Variants in TBC1D14 observed in about 807,000 individuals in gnomAD.
TBC1D14 encodes TBC1 domain family, member 14.
A neutral mutation model predicts 79.0 loss-of-function variants in TBC1D14; 26 were observed. The ratio of observed to expected loss-of-function variants is 0.33; its 90% CI spans 0.24 to 0.46. TBC1D14 has a LOEUF of 0.46. Ranked by LOEUF, TBC1D14 falls within the 20% of genes least tolerant of loss-of-function variation. The pLI is 1.00. For synonymous variants in TBC1D14, 394 were observed against 349.9 expected (o/e 1.13, Z -1.40); for missense variants, 769 against 887.6 (o/e 0.87, Z 1.70).
chr4:6,961,642 G>A (rs1186317890), intron 2 of TBC1D14, among the ~76,000 whole-genome samples: 2 of 152,200 alleles, frequency 1.3e-5, no homozygotes, highest in African/African-American at 4.8e-5. Context: ...ACAAAAACAG[G>A]TGCAAGTCCT....
At chr4:6,943,460 G>A (rs968874725) in intron 2 of TBC1D14, among the ~76,000 whole-genome samples, 3 of 152,188 alleles carry the variant, frequency 2.0e-5, no homozygotes, top group Admixed American at 2.0e-4. Context: ...CAGTTGGTGT[G>A]GCCTACGGGG....
intron 12 of TBC1D14, among the ~76,000 whole-genome samples, chr4:7,016,543 G>C (rs1178076385): frequency 6.6e-6 from 1 of 152,152 alleles, no homozygotes. Context: ...AGTTTCTTAG[G>C]ATTCTAGGCC....
At chr4:6,925,807 T>C (rs1327757694) in intron 2 of TBC1D14, among the ~76,000 whole-genome samples, 2 of 152,164 alleles carry the variant, frequency 1.3e-5, no homozygotes, top group Non-Finnish European at 2.9e-5. Flanking sequence ...TTCCCCGTGC[T>C]CAGACGAGTG....
chr4:7,028,585 C>A (rs2108757159), intron 13 of TBC1D14, among the ~76,000 whole-genome samples: 1 of 152,164 alleles, frequency 6.6e-6, no homozygotes, highest in South Asian at 2.1e-4. Context: ...CGCCTCCATG[C>A]CCAGCTAATT....
At chr4:6,922,916 C>A (rs1723980496) in intron 1 of TBC1D14, among the ~76,000 whole-genome samples, 1 of 152,176 alleles carries the variant, frequency 6.6e-6, no homozygotes, top group South Asian at 2.1e-4. Flanking sequence ...ACTCTAGCTT[C>A]TGGGCCAGGC....
At chr4:6,915,515 G>A (rs1239813120) in intron 1 of TBC1D14, among the ~76,000 whole-genome samples, 1 of 152,168 alleles carries the variant, frequency 6.6e-6, no homozygotes, top group African/African-American at 2.4e-5. Flanking sequence ...TGGAGTCACA[G>A]ACTTGAGTTC....
At chr4:6,983,755 A>C (rs965589571) in intron 3 of TBC1D14, among the ~76,000 whole-genome samples, 1 of 152,224 alleles carries the variant, frequency 6.6e-6, no homozygotes, top group Non-Finnish European at 1.5e-5. Context: ...TTTAATTTGC[A>C]CTTTCCTTTT....
Position 6,994,266 on chromosome 4 carries a change from T to C in TBC1D14, c.926T>C (p.Leu309Pro), listed in dbSNP as rs1718790047. ...NVRKNLDFEP[L>P]STTALILEDR... The stretch of plus-strand genomic sequence containing the variant: ...AGGAAGAATCTTGACTTTGAACCAC[T>C]TTCCACCACCGCACTCATCCTCGAG... The change falls in exon 4 of 14, where the codon CTT (leucine) becomes CCT (proline). Residue 309 changes from leucine to proline, a missense_variant. Leu to Pro is a moderately conservative substitution (Grantham distance 98, BLOSUM62 -3). Coordinates refer to ENST00000409757, the MANE Select transcript of TBC1D14 (RefSeq NM_020773.3). 4.3e-6 allele frequency: 7 copies of C among 1,614,054 alleles called. No homozygotes were observed. The highest frequency in any genetic ancestry group is 5.9e-6 in the Non-Finnish European group (7 of 1,180,028).
At chr4:6,997,879 A>ACT (rs1719226383) in intron 5 of TBC1D14, among the ~76,000 whole-genome samples, 1 of 152,128 alleles carries the variant, frequency 6.6e-6, no homozygotes, top group African/African-American at 2.4e-5. Flanking sequence ...GGGAGTAGGA[A>ACT]GTTAGTATTT....
chr4:7,015,257 C>T (rs1166959175), intron 12 of TBC1D14, among the ~76,000 whole-genome samples: 1 of 151,802 alleles, frequency 6.6e-6, no homozygotes, highest in African/African-American at 2.4e-5. Context: ...GGCAGGAGAG[C>T]CTGGGAACAG....
chr4:6,967,470 A>G (rs1396715911), intron 3 of TBC1D14, 46 bp downstream of exon 3: 1 of 1,598,674 alleles, frequency 6.3e-7, no homozygotes, highest in Non-Finnish European at 8.5e-7. Context: ...GGATGTGTTT[A>G]GCATATATTC....
At chr4:6,919,211 A>G (rs1369912825) in intron 1 of TBC1D14, among the ~76,000 whole-genome samples, 1 of 150,556 alleles carries the variant, frequency 6.6e-6, no homozygotes, top group Non-Finnish European at 1.5e-5. Flanking sequence ...CAGTGGCATC[A>G]TTTCAGCTCA....
chr4:6,927,142 C>T lies in TBC1D14; in HGVS notation c.722+3031C>T, dbSNP rs377367780. Among the ~76,000 whole-genome samples the T allele has an allele frequency of 3.9e-5, 6 of 152,168 alleles. No individual in the cohort carries two copies. In the East Asian group the frequency reaches 9.6e-4, roughly 24 times the overall value. On this transcript the variant is annotated intron_variant, in intron 2 of 13. Transcript: ENST00000409757. ...AAGCGCAGGCCCGGCTTGCATTTGT[C>T]CTTCACCCACACTGTAATGAGCACT...
At chr4:6,933,774 T>C (rs150098612) in intron 2 of TBC1D14, among the ~76,000 whole-genome samples, 1 of 152,100 alleles carries the variant, frequency 6.6e-6, no homozygotes, top group African/African-American at 2.4e-5. Flanking sequence ...TTTCATTGAG[T>C]CCTAAACAGA....
chr4:6,974,540 A>G (rs1398695714), intron 3 of TBC1D14, among the ~76,000 whole-genome samples: 5 of 152,192 alleles, frequency 3.3e-5, no homozygotes, highest in African/African-American at 9.7e-5. Context: ...CATCTCTGGG[A>G]TAGACCACCA....
At chr4:6,984,764 C>T (rs1717671583) in intron 3 of TBC1D14, among the ~76,000 whole-genome samples, 1 of 152,198 alleles carries the variant, frequency 6.6e-6, no homozygotes, top group African/African-American at 2.4e-5. Context: ...CTTTGAGCAC[C>T]TTCTCTCTGG....
intron 2 of TBC1D14, among the ~76,000 whole-genome samples, chr4:6,927,655 G>C (rs994919955): frequency 6.6e-6 from 1 of 152,176 alleles, no homozygotes; most frequent in Non-Finnish European, 1.5e-5. Context: ...ATGCGTCTTT[G>C]TTGTGGGCGG....
At chr4:6,912,302 C>T (rs1172886059) in intron 1 of TBC1D14, among the ~76,000 whole-genome samples, 1 of 151,768 alleles carries the variant, frequency 6.6e-6, no homozygotes, top group East Asian at 1.9e-4. Context: ...ATCGCTTGAA[C>T]CCGGGAGGTG....
chr4:6,987,292 C>T (rs1404970898), intron 3 of TBC1D14: 2 of 1,356,152 alleles, frequency 1.5e-6, no homozygotes, highest in East Asian at 3.1e-5. Context: ...GAGGCCGGCC[C>T]TCCGCTCGCT....
Sources: allele counts gnomAD v4.1 joint callset (sites outside exome capture counted in the v4.1 genomes callset), GRCh38; gene constraint gnomAD v4.1.1; transcripts MANE v1.5; gene names NCBI Gene and HGNC (gene_info 2026-07-23, HGNC 2026-07-21).